Variants in ATP6V0A4 observed in about 807,000 individuals in gnomAD.
ATP6V0A4 encodes ATPase H+ transporting V0 subunit a4, also known as V-type proton ATPase 116 kDa subunit a 4.
ATP6V0A4 carries 86 observed loss-of-function variants against 107.3 expected under a neutral mutation model. That is an observed-to-expected ratio of 0.80 (90% confidence interval 0.67 to 0.96). The LOEUF (loss-of-function observed/expected upper bound fraction) is 0.96, where lower values mean the gene tolerates loss of function less well. Ranked by LOEUF, ATP6V0A4 falls within the 40% of genes least tolerant of loss-of-function variation. The pLI, the probability that ATP6V0A4 is intolerant of heterozygous loss-of-function variation, is 0.00. For synonymous variants in ATP6V0A4, 353 were observed against 381.4 expected, an observed-to-expected ratio of 0.93 and a Z score of 0.87; for missense variants, 908 against 1,045.6, an observed-to-expected ratio of 0.87 and a Z score of 1.81.
chr7:138,797,825 A>G (rs75431559), intron 1 of ATP6V0A4: 37,627 of 550,092 alleles, frequency 0.068, 1,388 homozygotes, highest in South Asian at 0.09. Flanking sequence ...CTCAATAAGG[A>G]CAATATTTGC....
chr7:138,726,584 C>T (rs1462821006), intron 18 of ATP6V0A4, among the ~76,000 whole-genome samples: 1 of 152,142 alleles, frequency 6.6e-6, no homozygotes, highest in African/African-American at 2.4e-5. Flanking sequence ...ACCTGAAGTC[C>T]GTCAGAACAA....
chr7:138,748,973 A>T (rs1806092749), intron 12 of ATP6V0A4, among the ~76,000 whole-genome samples, 194 bp downstream of exon 12: 1 of 152,230 alleles, frequency 6.6e-6, no homozygotes, highest in African/African-American at 2.4e-5. Flanking sequence ...ACAGGGTATT[A>T]CGAAACCAAG....
rs1269387303 is a variant in ATP6V0A4, at chr7:138,773,793, G to T, written c.-17-2529C>A. ...GGCATTCACTTTATGCAGATCAAAA[G>T]CACAGCATCAACACCCTTCTTACCC... On this transcript the variant is annotated intron_variant, in intron 2 of 21. Coordinates refer to ENST00000310018, the MANE Select transcript of ATP6V0A4 (RefSeq NM_020632.3). This position sits in a 1 kb window ranked among gnomAD's most constrained non-coding sequence, Gnocchi z 5.4. 1 of 152,346 alleles carries T rather than the reference G, an allele frequency of 6.6e-6. No individual in the cohort carries two copies. The highest frequency in any genetic ancestry group is 1.5e-5 in the Non-Finnish European group (1 of 68,118). 9.4% of individuals were successfully genotyped at this position (152,346 alleles called of 1,614,324 possible). A position where few individuals can be genotyped will look rare whatever the true frequency, so the allele number is the denominator to read the frequency against.
intron 21 of ATP6V0A4, among the ~76,000 whole-genome samples, chr7:138,707,644 C>T (rs1803514692): frequency 6.6e-6 from 1 of 150,826 alleles, no homozygotes; most frequent in Non-Finnish European, 1.5e-5. Flanking sequence ...TCAGGTGATC[C>T]ACACACCTCA....
At position 138,745,211 on chromosome 7, in the gene ATP6V0A4, A is replaced by G; in HGVS notation, c.1390T>C (p.Leu464=). The part of the protein sequence containing the change: ...LMGIFSIYTG[L]IYNDCFSKSL... ...TTGGAGAAGCAGTCATTGTAGATCA[A>G]ACCCGTGTAGATGGAGAAGATGCCC... The change falls in exon 14 of 22, where the codon TTG becomes CTG. Residue 464 remains leucine, a synonymous_variant. Transcript: ENST00000310018. 3.1e-6 allele frequency: 5 copies of G among 1,614,180 alleles called. No individual in the cohort carries two copies. Among genetic ancestry groups the G allele is most frequent in the Non-Finnish European group, 4.2e-6 (5 of 1,180,016 alleles).
chr7:138,785,452 T>C (rs1172926579), intron 2 of ATP6V0A4, among the ~76,000 whole-genome samples: 1 of 151,946 alleles, frequency 6.6e-6, no homozygotes, highest in Non-Finnish European at 1.5e-5. Flanking sequence ...ATTTTTTGTA[T>C]TTTTAGTGGA....
At chr7:138,790,179 C>A (rs961885400) in intron 1 of ATP6V0A4, among the ~76,000 whole-genome samples, 1 of 151,970 alleles carries the variant, frequency 6.6e-6, no homozygotes, top group African/African-American at 2.4e-5. Context: ...GTATATATTA[C>A]AAAACTGGAA....
intron 18 of ATP6V0A4, among the ~76,000 whole-genome samples, chr7:138,726,018 C>T (rs1804694976): frequency 6.6e-6 from 1 of 151,944 alleles, no homozygotes; most frequent in Non-Finnish European, 1.5e-5. Context: ...GAGACAGAGT[C>T]TCGTTCTGTC....
rs1410829542 is a variant in ATP6V0A4 at position 138,728,866 on chromosome 7, C to T, written c.1909-4G>A. The stretch of plus-strand genomic sequence containing the variant: ...CAAAGAAACTTTGGACTTCTTGCTG[C>T]AAGACCAAAATGGCGAGATCTCATC... On this transcript the variant is annotated splice_region_variant and splice_polypyrimidine_tract_variant and intron_variant, in intron 17 of 21. Transcript: ENST00000310018. 6.2e-7 allele frequency: 1 copy of T among 1,614,102 alleles called. No homozygotes were observed. The highest frequency in any genetic ancestry group is 8.5e-7 in the Non-Finnish European group (1 of 1,180,030).
At chr7:138,722,423 G>A (rs996894109) in intron 18 of ATP6V0A4, among the ~76,000 whole-genome samples, 4 of 151,984 alleles carry the variant, frequency 2.6e-5, no homozygotes, top group Admixed American at 1.3e-4. Context: ...CCAGCATTTC[G>A]GGAGGCGGAG....
intron 19 of ATP6V0A4, among the ~76,000 whole-genome samples, chr7:138,717,283 C>A: frequency 6.6e-6 from 1 of 152,216 alleles, no homozygotes; most frequent in African/African-American, 2.4e-5. Flanking sequence ...AAGAGGAGAT[C>A]ACGCCTGTAA....
At position 138,789,632 on chromosome 7, in the gene ATP6V0A4, C is replaced by T. The variant is rs1399585591; in HGVS notation, c.-120-3372G>A. ...GGGACAGATATGTAAAATCTGTCTG[C>T]TTCATTGTGACTGTATTGCTTTCCT... On this transcript the variant is annotated intron_variant, in intron 1 of 21. Transcript: ENST00000310018. Among the ~76,000 whole-genome samples the T allele has an allele frequency of 2.6e-5, 4 of 151,570 alleles. No individual in the cohort carries two copies. In the South Asian group the frequency reaches 8.3e-4, roughly 32 times the overall value.
At chr7:138,745,434 A>G (rs1031618866) in intron 13 of ATP6V0A4, 154 bp from the exon 14 acceptor site, 18 of 530,464 alleles carry the variant, frequency 3.4e-5, no homozygotes, top group East Asian at 1.5e-4. Flanking sequence ...AGACAGGAAG[A>G]GCACACACAT....
intron 13 of ATP6V0A4, among the ~76,000 whole-genome samples, chr7:138,746,184 C>A (rs1805944548): frequency 6.6e-6 from 1 of 150,846 alleles, no homozygotes; most frequent in Non-Finnish European, 1.5e-5. Flanking sequence ...GAAATAAGCA[C>A]TGAACTGGCC....
At chr7:138,789,735 C>G (rs1808319863) in intron 1 of ATP6V0A4, among the ~76,000 whole-genome samples, 1 of 151,012 alleles carries the variant, frequency 6.6e-6, no homozygotes, top group African/African-American at 2.4e-5. Context: ...CTTTGAGAGG[C>G]TGAGGCAGGT....
At chr7:138,775,795 C>A (rs7793040) in intron 2 of ATP6V0A4, among the ~76,000 whole-genome samples, 25,347 of 151,634 alleles carry the variant, frequency 0.17, 2,717 homozygotes, top group African/African-American at 0.29. Context: ...GGACTATAGG[C>A]GCCCGCCACC....
At chr7:138,750,253 T>C (rs943595024) in intron 11 of ATP6V0A4, among the ~76,000 whole-genome samples, 3 of 152,080 alleles carry the variant, frequency 2.0e-5, no homozygotes, top group Non-Finnish European at 4.4e-5. Context: ...CTCAAGTCTT[T>C]TTTCTTTTTC....
In ATP6V0A4 at chr7:138,777,342, C is replaced by T. The variant is rs778328861; in HGVS notation, c.-17-6078G>A. On this transcript the variant is annotated intron_variant, in intron 2 of 21. Transcript: ENST00000310018. The stretch of plus-strand genomic sequence containing the variant: ...TTTTTAAAAATATTATGGCCGGGCG[C>T]GGTGGCTCACGCCTGTCATCCCAGC... Among the ~76,000 whole-genome samples the T allele has an allele frequency of 1.8e-4, 28 of 151,794 alleles. 1 individual carries two copies. The highest frequency in any genetic ancestry group is 1.1e-3 in the Admixed American group (17 of 15,228).
rs561870904 is a variant in ATP6V0A4, at chr7:138,754,195, T to A, written c.817-1358A>T. ...CAGGCGCAGTGGCTCACGCCTGTAA[T>A]CCCAGCACTTTGGGAGGATGAGGTG... is the stretch of plus-strand genomic sequence containing the variant. On this transcript the variant is annotated intron_variant, in intron 10 of 21. Transcript: ENST00000310018. 7.9e-5 allele frequency among the ~76,000 whole-genome samples: 12 copies of A among 152,220 alleles called. No individual in the cohort carries two copies. In the South Asian group the frequency reaches 2.3e-3, roughly 29 times the overall value.
Sources: allele counts gnomAD v4.1 joint callset (sites outside exome capture counted in the v4.1 genomes callset), GRCh38; gene constraint gnomAD v4.1.1; non-coding constraint Gnocchi (gnomAD v3.1); transcripts MANE v1.5; gene names NCBI Gene and HGNC (gene_info 2026-07-23, HGNC 2026-07-21).